Variants in GPD2 observed in about 807,000 individuals in gnomAD.
GPD2 encodes the protein glycerol-3-phosphate dehydrogenase 2.
GPD2 carries 54 observed loss-of-function variants against 82.4 expected under a neutral mutation model. That is an observed-to-expected ratio of 0.66 (90% CI 0.53 to 0.82). GPD2 has a LOEUF of 0.82. Ranked by LOEUF, GPD2 falls within the 40% of genes least tolerant of loss-of-function variation. The pLI is 0.00. For synonymous variants in GPD2, 288 were observed against 306.1 expected, an observed-to-expected ratio of 0.94 and a Z score of 0.62; for missense variants, 748 against 896.2, an observed-to-expected ratio of 0.83 and a Z score of 2.11.
chr2:156,445,528 A>G (rs1682340338), intron 1 of GPD2, among the ~76,000 whole-genome samples: 1 of 152,200 alleles, frequency 6.6e-6, no homozygotes, highest in Admixed American at 6.5e-5. Context: ...CTATAATGAC[A>G]TTGCTTATGA....
In GPD2 at chr2:156,569,394, A is replaced by G. The variant is rs1687521421; in HGVS notation, c.1332A>G (p.Ala444=). The change falls in exon 11 of 17, where the codon GCA becomes GCG. Residue 444 remains alanine (A), a synonymous_variant. Coordinates refer to ENST00000438166, the MANE Select transcript of GPD2 (RefSeq NM_000408.5). Reference sequence around the variant, plus strand: ...AGTGGACAACTTATCGGTCTATGGCAGAAGATACCATAAATGCTGCTGTCA... The same window carrying G: ...AGTGGACAACTTATCGGTCTATGGCGGAAGATACCATAAATGCTGCTGTCA... ...GGKWTTYRSM[A]EDTINAAVKT... 1 of 1,611,662 alleles carries G rather than the reference A, an allele frequency of 6.2e-7. No individual in the cohort carries two copies. The highest frequency in any genetic ancestry group is 1.7e-5 in the Admixed American group (1 of 59,928).
chr2:156,481,685 T>C (rs1031839431), intron 2 of GPD2, among the ~76,000 whole-genome samples: 4 of 151,960 alleles, frequency 2.6e-5, no homozygotes, highest in African/African-American at 9.7e-5. Context: ...GGTCTTGCCA[T>C]GTTGCTCAGG....
intron 6 of GPD2, among the ~76,000 whole-genome samples, chr2:156,547,211 G>A (rs1452496775): frequency 6.6e-6 from 1 of 152,180 alleles, no homozygotes; most frequent in Non-Finnish European, 1.5e-5. Context: ...GTATCATAAA[G>A]ACTATTTAAA....
At chr2:156,493,958 G>GTGTGTGTGTGTA (rs60643688) in intron 2 of GPD2, among the ~76,000 whole-genome samples, 19,675 of 143,126 alleles carry the variant, frequency 0.14, 1,636 homozygotes, top group East Asian at 0.33. Context: ...GTGTGTGTGT[G>GTGTGTGTGTGTA]TATAATTTTT....
At chr2:156,453,563 G>A (rs1427789619) in intron 1 of GPD2, among the ~76,000 whole-genome samples, 1 of 152,192 alleles carries the variant, frequency 6.6e-6, no homozygotes, top group Non-Finnish European at 1.5e-5. Context: ...AGGTGAGGTG[G>A]TTGAGGAATT....
intron 6 of GPD2, among the ~76,000 whole-genome samples, chr2:156,532,268 A>C (rs1400492148): frequency 6.6e-6 from 1 of 152,158 alleles, no homozygotes; most frequent in Non-Finnish European, 1.5e-5. Flanking sequence ...TGGCCTCCCA[A>C]AGTGCTGGGA....
chr2:156,412,027 T>C, the GPD2 span, among the ~76,000 whole-genome samples: 1 of 152,046 alleles, frequency 6.6e-6, no homozygotes, highest in East Asian at 1.9e-4. Flanking sequence ...ACTGAAACCA[T>C]GCAAAGCTTC....
At chr2:156,563,251 C>T (rs1574004769) in intron 9 of GPD2, among the ~76,000 whole-genome samples, 1 of 152,170 alleles carries the variant, frequency 6.6e-6, no homozygotes, top group Middle Eastern at 3.4e-3. Context: ...GTATATGACC[C>T]TTTACTAGAT....
chr2:156,505,946 CAGATT>C (rs1417514439), intron 3 of GPD2, among the ~76,000 whole-genome samples: 1 of 152,102 alleles, frequency 6.6e-6, no homozygotes, highest in Non-Finnish European at 1.5e-5. Context: ...CAGAAAGGGA[CAGATT>C]AGATAACAGA....
upstream of GPD2, among the ~76,000 whole-genome samples, chr2:156,434,145 C>T (rs1688358746): frequency 6.6e-6 from 1 of 152,082 alleles, no homozygotes; most frequent in Non-Finnish European, 1.5e-5. Context: ...ACTCTGTTGC[C>T]CAGGGTGGAG....
rs775712504 is a variant in GPD2 at position 156,513,443 on chromosome 2, A to T, written c.608A>T (p.His203Leu). The T allele has an allele frequency of 1.2e-6, 2 of 1,612,832 alleles. No individual in the cohort carries two copies. The highest frequency in any genetic ancestry group is 4.5e-5 in the East Asian group (2 of 44,840). Residue 203 changes from histidine to leucine, a missense_variant, in exon 6 of 17, where the codon CAT becomes CTT. Transcript: ENST00000438166. ...CTCAGCAAATCAAGAGCCCTTGAAC[A>T]TTTCCCAATGCTCCAGAAGGACAAA... is the stretch of plus-strand genomic sequence containing the variant. ...YVLSKSRALE[H>L]FPMLQKDKLV... is the part of the protein sequence containing the mutation.
chr2:156,533,985 G>A (rs955698160), intron 6 of GPD2, among the ~76,000 whole-genome samples: 8 of 152,240 alleles, frequency 5.3e-5, no homozygotes, highest in Non-Finnish European at 1.0e-4. Context: ...AAGCTAAAGC[G>A]TTAACCAGCT....
In GPD2 at chr2:156,513,437, T is replaced by G. The variant is rs144680890; in HGVS notation, c.602T>G (p.Leu201Arg). 1.2e-6 allele frequency: 2 copies of G among 1,612,996 alleles called. No individual in the cohort carries two copies. The highest frequency in any genetic ancestry group is 2.7e-5 in the African/African-American group (2 of 74,882). Residue 201 changes from leucine (L) to arginine (R), a missense_variant, in exon 6 of 17, where the codon CTT becomes CGT. Physicochemically the swap from Leu to Arg is moderately radical, Grantham distance 102 (BLOSUM62 -2). This residue lies in a region of GPD2 where 692 missense variants were observed against 809.7 expected (regional missense o/e 0.85). Coordinates refer to ENST00000438166, the MANE Select transcript of GPD2 (RefSeq NM_000408.5). ...SSYVLSKSRA[L>R]EHFPMLQKDK... ...TATGTCCTCAGCAAATCAAGAGCCC[T>G]TGAACATTTCCCAATGCTCCAGAAG...
At chr2:156,567,894 T>C (rs1687448651) in intron 9 of GPD2, among the ~76,000 whole-genome samples, 3 of 152,168 alleles carry the variant, frequency 2.0e-5, no homozygotes, top group African/African-American at 7.2e-5. Context: ...GCATTGTATT[T>C]TGACAGAGAT....
At chr2:156,496,331 TC>T (rs1684377905) in intron 3 of GPD2, 116 bp downstream of exon 3, 7 of 707,470 alleles carry the variant, frequency 9.9e-6, no homozygotes, top group Non-Finnish European at 1.7e-5. Context: ...TATCAACCCA[TC>T]ACCTAGGTAC....
chr2:156,563,265 G>T (rs1687241900), intron 9 of GPD2, among the ~76,000 whole-genome samples: 1 of 152,106 alleles, frequency 6.6e-6, no homozygotes, highest in African/African-American at 2.4e-5. Flanking sequence ...ACTAGATACA[G>T]TATTTGGGGT....
intron 1 of GPD2, among the ~76,000 whole-genome samples, chr2:156,444,708 C>A (rs2105143860): frequency 1.0e-5 from 1 of 100,408 alleles, no homozygotes; most frequent in South Asian, 4.5e-4. Context: ...ACAAGACTGT[C>A]TCAAAAACAA....
chr2:156,429,617 C>A, the GPD2 span, among the ~76,000 whole-genome samples: 2 of 152,112 alleles, frequency 1.3e-5, no homozygotes, highest in African/African-American at 4.8e-5. Flanking sequence ...AGAATACATT[C>A]CCAGTTCTTA....
At chr2:156,546,308 T>G (rs1026712753) in intron 6 of GPD2, among the ~76,000 whole-genome samples, 2 of 152,042 alleles carry the variant, frequency 1.3e-5, no homozygotes, top group African/African-American at 4.8e-5. Context: ...TAGGTGGGGG[T>G]TTGGGATTAT....
Sources: allele counts gnomAD v4.1 joint callset (sites outside exome capture counted in the v4.1 genomes callset), GRCh38; gene constraint gnomAD v4.1.1; regional missense constraint gnomAD v4.1.1; transcripts MANE v1.5; gene names NCBI Gene and HGNC (gene_info 2026-07-23, HGNC 2026-07-21).